Variants in ATXN7L1 observed in about 807,000 individuals in gnomAD.
The protein encoded by ATXN7L1 is ataxin 7 like 1, also known as ataxin-7-like protein 1.
ATXN7L1 carries 15 observed loss-of-function variants against 70.8 expected under a neutral mutation model. The ratio of observed to expected loss-of-function variants is 0.21; its 90% CI spans 0.14 to 0.33. The LOEUF is 0.33. ATXN7L1 is among the 10% of genes least tolerant of loss of function. The pLI, the probability that ATXN7L1 is intolerant of heterozygous loss-of-function variation, is 1.00. For missense variants in ATXN7L1, 975 were observed against 1,097.1 expected (o/e 0.89, Z 1.57); for synonymous variants, 440 against 445.1 (o/e 0.99, Z 0.14).
chr7:105,729,730 C>T (rs894329183), intron 3 of ATXN7L1, among the ~76,000 whole-genome samples: 3 of 143,892 alleles, frequency 2.1e-5, no homozygotes, highest in African/African-American at 8.1e-5. Context: ...GTGCCTGGCA[C>T]CACTTCTTTT....
At chr7:105,655,650 C>T (rs1483496693) in intron 4 of ATXN7L1, among the ~76,000 whole-genome samples, 1 of 152,194 alleles carries the variant, frequency 6.6e-6, no homozygotes, top group Non-Finnish European at 1.5e-5. Flanking sequence ...GTCTTGCCCC[C>T]AGTTCACGCC....
chr7:105,874,431 G>C (rs1818727113), intron 2 of ATXN7L1, among the ~76,000 whole-genome samples: 1 of 152,166 alleles, frequency 6.6e-6, no homozygotes, highest in Non-Finnish European at 1.5e-5. Context: ...AATCTCTAGT[G>C]ATGCTTCCCA....
chr7:105,817,865 C>T (rs946006259), intron 2 of ATXN7L1, among the ~76,000 whole-genome samples: 5 of 152,196 alleles, frequency 3.3e-5, no homozygotes, highest in African/African-American at 7.2e-5. Flanking sequence ...TTCCAGGTTA[C>T]GGTGAGTTAT....
intron 3 of ATXN7L1, among the ~76,000 whole-genome samples, chr7:105,683,136 C>A (rs530483237): frequency 3.5e-4 from 54 of 152,272 alleles, no homozygotes; most frequent in African/African-American, 1.3e-3. Flanking sequence ...GACAGCAGTT[C>A]CCAAACGCTA....
rs538106398 is a variant in ATXN7L1 at position 105,749,421 on chromosome 7, A to T, written c.355+39183T>A. Among the ~76,000 whole-genome samples, 54 of 151,998 alleles carry T rather than the reference A, an allele frequency of 3.6e-4. 1 individual carries two copies. Among genetic ancestry groups the T allele is most frequent in the African/African-American group, 1.2e-3 (49 of 41,534 alleles). ...AATTCTACCTTTATTTTGAAAGCTC[A>T]AGAGTTCTAGTCTTCGGAGTTGTCA... On this transcript the variant is annotated intron_variant, in intron 3 of 11. Coordinates refer to ENST00000419735, the MANE Select transcript of ATXN7L1 (RefSeq NM_020725.2).
intron 2 of ATXN7L1, among the ~76,000 whole-genome samples, chr7:105,799,704 A>G (rs1224192320): frequency 6.6e-6 from 1 of 152,094 alleles, no homozygotes; most frequent in Non-Finnish European, 1.5e-5. Flanking sequence ...CAGAGCTCAG[A>G]GGTAAATGTG....
chr7:105,851,966 T>C (rs984514704), intron 2 of ATXN7L1, among the ~76,000 whole-genome samples: 2 of 152,178 alleles, frequency 1.3e-5, no homozygotes, highest in African/African-American at 2.4e-5. Context: ...ACTACTTCTC[T>C]CTCCTCCTCC....
At chr7:105,828,420 G>T (rs561312772) in intron 2 of ATXN7L1, among the ~76,000 whole-genome samples, 2 of 152,276 alleles carry the variant, frequency 1.3e-5, no homozygotes, top group South Asian at 2.1e-4. Context: ...AACCAGAAAG[G>T]CTCCAGGCAC....
At chr7:105,710,248 GT>G (rs1435257964) in intron 3 of ATXN7L1, among the ~76,000 whole-genome samples, 1 of 152,130 alleles carries the variant, frequency 6.6e-6, no homozygotes, top group Non-Finnish European at 1.5e-5. Context: ...AAGAAAAGAG[GT>G]TTAATTGACT....
At chr7:105,727,495 C>T (rs1795946035) in intron 3 of ATXN7L1, among the ~76,000 whole-genome samples, 1 of 151,072 alleles carries the variant, frequency 6.6e-6, no homozygotes, top group Admixed American at 6.6e-5. Context: ...ATGGTGAAAC[C>T]CCACGTCTAC....
chr7:105,806,003 G>C (rs1465585723), intron 2 of ATXN7L1, among the ~76,000 whole-genome samples: 1 of 152,116 alleles, frequency 6.6e-6, no homozygotes, highest in African/African-American at 2.4e-5. Flanking sequence ...GGAGGTGAGA[G>C]GGCTGCTGCA....
intron 2 of ATXN7L1, among the ~76,000 whole-genome samples, chr7:105,799,559 G>T (rs543629793): frequency 1.3e-5 from 2 of 152,008 alleles, no homozygotes; most frequent in South Asian, 2.1e-4. Flanking sequence ...GCAGAAGTTG[G>T]TTCTGGCTGT....
At chr7:105,873,071 G>A (rs1436950392) in intron 2 of ATXN7L1, among the ~76,000 whole-genome samples, 1 of 152,130 alleles carries the variant, frequency 6.6e-6, no homozygotes, top group Non-Finnish European at 1.5e-5. Context: ...GGAGAAGGGT[G>A]TGAACCCGGG....
intron 2 of ATXN7L1, among the ~76,000 whole-genome samples, chr7:105,851,055 T>A (rs1334965043): frequency 3.3e-5 from 5 of 152,186 alleles, no homozygotes; most frequent in Admixed American, 2.0e-4. Flanking sequence ...TCGTTTTTTA[T>A]GTGTATCCCA....
At position 105,795,326 on chromosome 7, in the gene ATXN7L1, T is replaced by C. The variant is rs1179234188; in HGVS notation, c.251-6618A>G. On this transcript the variant is annotated intron_variant, in intron 2 of 11. Transcript: ENST00000419735. ...AACAGCCTTCTAGAGAGAACACTTT[T>C]GACAAGCAAAGTCATGTGTTTATAA... Among the ~76,000 whole-genome samples, 5 of 152,396 alleles carry C rather than the reference T, an allele frequency of 3.3e-5. No individual in the cohort carries two copies. In the South Asian group the frequency reaches 6.2e-4, roughly 19 times the overall value.
chr7:105,713,789 C>T (rs112881900), intron 3 of ATXN7L1, among the ~76,000 whole-genome samples: 8,478 of 147,912 alleles, frequency 0.057, 282 homozygotes, highest in Admixed American at 0.075. Context: ...AGAGGGCCTC[C>T]AGGGTAAGCC....
intron 6 of ATXN7L1, 67 bp downstream of exon 6, chr7:105,639,420 G>T: frequency 1.6e-6 from 2 of 1,240,906 alleles, no homozygotes; most frequent in Non-Finnish European, 2.3e-6. Context: ...TGCAGAGAGT[G>T]GCATGCAAAC....
At chr7:105,766,659 C>T (rs1405749100) in intron 3 of ATXN7L1, among the ~76,000 whole-genome samples, 1 of 152,214 alleles carries the variant, frequency 6.6e-6, no homozygotes, top group East Asian at 1.9e-4. Context: ...TCTCCACCCT[C>T]GAGAAGTGAC....
intron 3 of ATXN7L1, among the ~76,000 whole-genome samples, chr7:105,780,331 G>T (rs1045227971): frequency 6.6e-6 from 1 of 152,158 alleles, no homozygotes; most frequent in African/African-American, 2.4e-5. Flanking sequence ...CACTCCAGGG[G>T]TGAGTTTCTG....
Sources: allele counts gnomAD v4.1 joint callset (sites outside exome capture counted in the v4.1 genomes callset), GRCh38; gene constraint gnomAD v4.1.1; transcripts MANE v1.5; gene names NCBI Gene and HGNC (gene_info 2026-07-23, HGNC 2026-07-21).